The following CDH12 variants were observed in gnomAD, a reference collection of about 807,000 sequenced individuals.
CDH12 encodes cadherin 12.
Under a neutral mutation model 74.1 loss-of-function variants are expected in CDH12, and 41 were observed. The ratio of observed to expected loss-of-function variants is 0.55; its 90% CI spans 0.43 to 0.72. The LOEUF (loss-of-function observed/expected upper bound fraction) is 0.72. CDH12 is among the 30% of genes least tolerant of loss of function. CDH12 has a pLI of 0.00. For synonymous variants in CDH12, 399 were observed against 355.0 expected (o/e 1.12, Z -1.39); for missense variants, 945 against 977.2 (o/e 0.97, Z 0.44).
chr5:21,906,696 G>GA (rs1402542809), intron 6 of CDH12, among the ~76,000 whole-genome samples: 4 of 152,178 alleles, frequency 2.6e-5, no homozygotes, highest in African/African-American at 9.7e-5. Context: ...CACCGTTTGT[G>GA]AGTCTGTAGA....
At position 21,975,389 on chromosome 5, in the gene CDH12, T is replaced by C. The variant is rs1485103151; in HGVS notation, c.232-4A>G. ...CCTTGTCTAAGTCGGAATGGAGCTTTAGGGAAGAGAAGGAGAGAGAGAGGA... is the reference window on the plus strand; with the variant it reads ...CCTTGTCTAAGTCGGAATGGAGCTTCAGGGAAGAGAAGGAGAGAGAGAGGA... On this transcript the variant is annotated splice_polypyrimidine_tract_variant and splice_region_variant and intron_variant, in intron 5 of 14. Transcript: ENST00000382254. 6.3e-7 allele frequency: 1 copy of C among 1,580,668 alleles called. No individual in the cohort carries two copies. Among genetic ancestry groups the C allele is most frequent in the East Asian group, 2.2e-5 (1 of 44,692 alleles).
intron 2 of CDH12, among the ~76,000 whole-genome samples, chr5:22,450,460 AT>A (rs1192060375): frequency 6.6e-6 from 1 of 151,848 alleles, no homozygotes; most frequent in African/African-American, 2.4e-5. Context: ...GAAATATGAC[AT>A]TTTTATTTAT....
intron 6 of CDH12, among the ~76,000 whole-genome samples, chr5:21,863,177 T>C (rs372724736): frequency 3.9e-5 from 6 of 152,262 alleles, no homozygotes; most frequent in Non-Finnish European, 1.5e-5. Context: ...ATTCCAACTG[T>C]GCTGCCAGAG....
chr5:22,538,079 A>C (rs1737937753), intron 1 of CDH12, among the ~76,000 whole-genome samples: 1 of 152,150 alleles, frequency 6.6e-6, no homozygotes, highest in Non-Finnish European at 1.5e-5. Context: ...TCAGCAGCAC[A>C]TTCTACCACC....
chr5:21,970,904 A>G (rs1013996597), intron 6 of CDH12, among the ~76,000 whole-genome samples: 1 of 149,122 alleles, frequency 6.7e-6, no homozygotes, highest in African/African-American at 2.5e-5. Context: ...TGGTTAAATA[A>G]CCTCTGAAAA....
chr5:22,079,716 C>A (rs978327170), intron 4 of CDH12, among the ~76,000 whole-genome samples: 1 of 152,068 alleles, frequency 6.6e-6, no homozygotes, highest in South Asian at 2.1e-4. Context: ...GATAAAATGA[C>A]CTTTGAACTT....
At chr5:22,731,969 A>C (rs1475328189) in intron 1 of CDH12, among the ~76,000 whole-genome samples, 2 of 151,914 alleles carry the variant, frequency 1.3e-5, no homozygotes, top group East Asian at 3.9e-4. Flanking sequence ...ATAATGAAGG[A>C]AAACAAAAAG....
At chr5:22,624,662 A>C (rs1308076152) in intron 1 of CDH12, among the ~76,000 whole-genome samples, 1 of 152,218 alleles carries the variant, frequency 6.6e-6, no homozygotes, top group East Asian at 1.9e-4. Context: ...AGGAAACAAT[A>C]GGTGCTGGAG....
rs1750904075 is a variant in CDH12, at chr5:21,859,206, TA to T, written c.527-4417del. The stretch of plus-strand genomic sequence containing the variant: ...GAAATACCAGAGGCTGGGTCATTCA[TA>T]AAGAAAAAAGGTTTAATTGACTCAT... On this transcript the variant is annotated intron_variant, in intron 6 of 14. Coordinates refer to ENST00000382254, the MANE Select transcript of CDH12 (RefSeq NM_004061.5). 2.6e-5 allele frequency among the ~76,000 whole-genome samples: 4 copies of T among 151,788 alleles called. No homozygotes were observed. In the South Asian group the frequency reaches 8.3e-4, roughly 31 times the overall value.
chr5:22,694,780 T>C (rs1561582531), intron 1 of CDH12, among the ~76,000 whole-genome samples: 2 of 151,510 alleles, frequency 1.3e-5, no homozygotes, highest in Non-Finnish European at 3.0e-5. Flanking sequence ...CATATATATA[T>C]ACACACACAC....
At chr5:22,735,019 T>G (rs1236246215) in intron 1 of CDH12, among the ~76,000 whole-genome samples, 1 of 151,950 alleles carries the variant, frequency 6.6e-6, no homozygotes, top group African/African-American at 2.4e-5. Flanking sequence ...TCAATTCAGC[T>G]TATAGCAGAA....
intron 5 of CDH12, among the ~76,000 whole-genome samples, chr5:22,062,947 T>C (rs1741294158): frequency 6.6e-6 from 1 of 152,066 alleles, no homozygotes; most frequent in African/African-American, 2.4e-5. Context: ...CCATTATGAG[T>C]TTCTCAAAAA....
In CDH12 at chr5:22,240,859, T is replaced by C. The variant is rs542409687; in HGVS notation, c.-332-28216A>G. On this transcript the variant is annotated intron_variant, in intron 3 of 14. Transcript: ENST00000382254. ...GCCGGATAGTAATTATTTTTAACAA[T>C]TTGAGAGCAGTTATTTTTCACAAAG... is the stretch of plus-strand genomic sequence containing the variant. Among the ~76,000 whole-genome samples the C allele has an allele frequency of 2.0e-4, 31 of 152,116 alleles. No homozygotes were observed. In the East Asian group the frequency reaches 2.5e-3, roughly 12 times the overall value.
chr5:22,274,858 C>A (rs539897382), intron 3 of CDH12, among the ~76,000 whole-genome samples: 1 of 152,054 alleles, frequency 6.6e-6, no homozygotes, highest in Admixed American at 6.6e-5. Flanking sequence ...ATTTATTGAG[C>A]TAAATCTGAA....
intron 1 of CDH12, among the ~76,000 whole-genome samples, chr5:22,739,826 A>G (rs1475978534): frequency 6.6e-6 from 1 of 152,080 alleles, no homozygotes. Context: ...ATGTACCCTT[A>G]GAATCTAAAC....
rs1750747577 is a variant in CDH12 at position 21,856,218 on chromosome 5, T to C, written c.527-1428A>G. 2.6e-5 allele frequency among the ~76,000 whole-genome samples: 4 copies of C among 151,690 alleles called. No individual in the cohort carries two copies. In the South Asian group the frequency reaches 8.3e-4, roughly 31 times the overall value. On this transcript the variant is annotated intron_variant, in intron 6 of 14. Transcript: ENST00000382254. Reference sequence around the variant, plus strand: ...AGCATTGGGTATCTGTATTAAAGATTCATTAAAACTACCTTTCTATAATCC... The same window carrying C: ...AGCATTGGGTATCTGTATTAAAGATCCATTAAAACTACCTTTCTATAATCC...
chr5:22,335,387 C>A (rs973447427), intron 3 of CDH12, among the ~76,000 whole-genome samples: 13 of 151,970 alleles, frequency 8.6e-5, no homozygotes, highest in African/African-American at 2.9e-4. Flanking sequence ...AGATCGAGAC[C>A]ATCCTGGCTA....
chr5:22,811,913 A>T (rs1749165753), intron 1 of CDH12, among the ~76,000 whole-genome samples: 1 of 152,184 alleles, frequency 6.6e-6, no homozygotes, highest in Non-Finnish European at 1.5e-5. Flanking sequence ...AAAAGATCGA[A>T]GTTAGAGAAG....
intron 1 of CDH12, among the ~76,000 whole-genome samples, chr5:22,610,515 TCA>T (rs1317182548): frequency 6.6e-6 from 1 of 152,108 alleles, no homozygotes; most frequent in African/African-American, 2.4e-5. Context: ...TCAATAATTC[TCA>T]GTTGGTTTTC....
Sources: gnomAD v4.1 joint callset for allele counts (sites outside exome capture counted in the v4.1 genomes callset) on GRCh38, gnomAD v4.1.1 for gene constraint, MANE v1.5 for transcripts, NCBI Gene and HGNC (gene_info 2026-07-23, HGNC 2026-07-21) for gene names.